The following CREB5 variants were observed in gnomAD, a reference collection of about 807,000 sequenced individuals.
CREB5 encodes the protein cyclic AMP-responsive element-binding protein 5.
A neutral mutation model predicts 57.1 loss-of-function variants in CREB5; 19 were observed. The ratio of observed to expected loss-of-function variants is 0.33; its 90% confidence interval spans 0.23 to 0.49. The LOEUF (loss-of-function observed/expected upper bound fraction) is 0.49. Among genes scored for constraint, CREB5 ranks in the 20% least tolerant of loss-of-function variants. The probability of loss-of-function intolerance (pLI) is 0.99; values close to 1 mark genes in which losing one functional copy is unlikely to be tolerated. For synonymous variants in CREB5, 238 were observed against 238.3 expected (o/e 1.00, Z 0.01); for missense variants, 579 against 671.6 (o/e 0.86, Z 1.52).
rs1287876539 is a variant in CREB5 at position 28,587,537 on chromosome 7, G to A, written c.464+17000G>A. On this transcript the variant is annotated intron_variant, in intron 5 of 10. Transcript: ENST00000357727. ...ATTTTGTAAAACTAAGCAGACCATT[G>A]TGGAGGTGGACTGGGCTGGGGGTGG... Among the ~76,000 whole-genome samples the A allele has an allele frequency of 2.0e-5, 3 of 150,422 alleles. No homozygotes were observed. In the East Asian group the frequency reaches 5.9e-4, roughly 30 times the overall value.
At chr7:28,758,597 C>A (rs2237353) in intron 7 of CREB5, among the ~76,000 whole-genome samples, 101,109 of 152,048 alleles carry the variant, frequency 0.66, 34,400 homozygotes, top group Middle Eastern at 0.77. Context: ...TCACTGAGTC[C>A]TGCCCCTGTG....
intron 5 of CREB5, among the ~76,000 whole-genome samples, chr7:28,633,834 A>G (rs1443844386): frequency 6.6e-6 from 1 of 152,186 alleles, no homozygotes; most frequent in East Asian, 1.9e-4. Flanking sequence ...CTTCAAACCT[A>G]AAGGATAATG....
chr7:28,390,654 A>G (rs1020817780), intron 1 of CREB5, among the ~76,000 whole-genome samples: 4 of 152,120 alleles, frequency 2.6e-5, no homozygotes, highest in Non-Finnish European at 4.4e-5. Context: ...CTTTTTTACC[A>G]TCTCTGTATA....
rs1408634007 is a variant in CREB5, at chr7:28,686,547, C to T, written c.465-32206C>T. Reference sequence around the variant, plus strand: ...AAAGGGCCACAAATAAAGAGCGAAGCGAGAAAGAGCAAACTCGGGCGAAGT... The same window carrying T: ...AAAGGGCCACAAATAAAGAGCGAAGTGAGAAAGAGCAAACTCGGGCGAAGT... On this transcript the variant is annotated intron_variant, in intron 5 of 10. Transcript: ENST00000357727. 4.6e-5 allele frequency among the ~76,000 whole-genome samples: 7 copies of T among 151,194 alleles called. No individual in the cohort carries two copies. The East Asian group carries it at 1.2e-3, about 25-fold the overall frequency.
At chr7:28,637,115 C>T (rs147584062) in intron 5 of CREB5, among the ~76,000 whole-genome samples, 18 of 152,138 alleles carry the variant, frequency 1.2e-4, no homozygotes, top group African/African-American at 4.1e-4. Flanking sequence ...GATCGTGCCA[C>T]TGTACTCCAG....
intron 6 of CREB5, among the ~76,000 whole-genome samples, chr7:28,723,261 A>T (rs1013392748): frequency 6.6e-6 from 1 of 152,174 alleles, no homozygotes; most frequent in Non-Finnish European, 1.5e-5. Context: ...ATTTATTCTT[A>T]TTCTTTTAAA....
At chr7:28,611,715 A>AAT (rs1797395803) in intron 5 of CREB5, among the ~76,000 whole-genome samples, 1 of 150,192 alleles carries the variant, frequency 6.7e-6, no homozygotes, top group Non-Finnish European at 1.5e-5. Context: ...TAAATAAATA[A>AAT]AATATATATG....
At chr7:28,334,609 G>A (rs1388057162) in intron 1 of CREB5, among the ~76,000 whole-genome samples, 3 of 152,194 alleles carry the variant, frequency 2.0e-5, no homozygotes, top group Admixed American at 2.0e-4. Flanking sequence ...TCTCTGGTCA[G>A]ATGCATAGTT....
chr7:28,597,855 C>T lies in CREB5; in HGVS notation c.464+27318C>T, dbSNP rs1046243003. On this transcript the variant is annotated intron_variant, in intron 5 of 10. Transcript: ENST00000357727. ...AGTAGAGGAACATTTGTCATCAGAC[C>T]TTTTCCTGCCACAGGGAAAAGAGAC... is the stretch of plus-strand genomic sequence containing the variant. 3.3e-5 allele frequency among the ~76,000 whole-genome samples: 5 copies of T among 152,258 alleles called. No homozygotes were observed. In the East Asian group the frequency reaches 7.7e-4, roughly 24 times the overall value.
At chr7:28,573,437 C>T (rs1795781975) in intron 5 of CREB5, among the ~76,000 whole-genome samples, 1 of 152,242 alleles carries the variant, frequency 6.6e-6, no homozygotes, top group Non-Finnish European at 1.5e-5. Flanking sequence ...CATTCAGGCT[C>T]AGTGCTTAAG....
intron 1 of CREB5, among the ~76,000 whole-genome samples, chr7:28,480,365 G>GT (rs1419474192): frequency 6.6e-6 from 1 of 152,006 alleles, no homozygotes; most frequent in Non-Finnish European, 1.5e-5. Context: ...ACTGAATTTC[G>GT]TTGCTATCAT....
At chr7:28,482,733 G>C (rs1278769615) in intron 1 of CREB5, among the ~76,000 whole-genome samples, 2 of 152,160 alleles carry the variant, frequency 1.3e-5, no homozygotes, top group East Asian at 3.8e-4. Flanking sequence ...GATTTATAAT[G>C]CATTCATTTC....
At chr7:28,491,129 T>C (rs1791784491) in intron 2 of CREB5, 2 of 832,080 alleles carry the variant, frequency 2.4e-6, no homozygotes, top group Admixed American at 6.2e-5. Context: ...CATAGAGAAC[T>C]CTTTCAAGAG....
intron 1 of CREB5, among the ~76,000 whole-genome samples, chr7:28,325,326 G>T (rs2127985208): frequency 6.6e-6 from 1 of 152,244 alleles, no homozygotes; most frequent in East Asian, 1.9e-4. Flanking sequence ...ATGGTGGCGG[G>T]CGCCTGTGGT....
At chr7:28,345,273 C>CTT (rs58373526) in intron 1 of CREB5, among the ~76,000 whole-genome samples, 170 of 148,604 alleles carry the variant, frequency 1.1e-3, no homozygotes, top group African/African-American at 2.4e-3. Flanking sequence ...CAAAACAAGT[C>CTT]TTTTTTTTTT....
At chr7:28,560,815 TGTGTGTGCGC>T (rs1562796946) in intron 4 of CREB5, among the ~76,000 whole-genome samples, 1 of 136,770 alleles carries the variant, frequency 7.3e-6, no homozygotes, top group African/African-American at 2.8e-5. Context: ...TGCGCGTGTG[TGTGTGTGCGC>T]GCGCGCGCGT....
At chr7:28,305,091 T>C (rs11771059) in intron 1 of CREB5, among the ~76,000 whole-genome samples, 2,796 of 151,870 alleles carry the variant, frequency 0.018, 48 homozygotes, top group Non-Finnish European at 0.026. Flanking sequence ...TTGCCAATCT[T>C]GTCCTAAAAC....
At chr7:28,727,010 C>T (rs1193848858) in intron 7 of CREB5, among the ~76,000 whole-genome samples, 2 of 151,498 alleles carry the variant, frequency 1.3e-5, no homozygotes, top group Non-Finnish European at 2.9e-5. Context: ...TTTCTTTGCC[C>T]CCAATTAGTA....
chr7:28,707,440 G>A (rs913339240), intron 5 of CREB5, among the ~76,000 whole-genome samples: 3 of 152,128 alleles, frequency 2.0e-5, no homozygotes, highest in East Asian at 1.9e-4. Context: ...ACTCCTGGTC[G>A]GTGGCAGAGC....
Sources: gnomAD v4.1 joint callset for allele counts (sites outside exome capture counted in the v4.1 genomes callset) on GRCh38, gnomAD v4.1.1 for gene constraint, MANE v1.5 for transcripts, NCBI Gene and HGNC (gene_info 2026-07-23, HGNC 2026-07-21) for gene names.